The following STK35 variants were observed in gnomAD, a reference collection of about 807,000 sequenced individuals.
STK35 encodes serine/threonine-protein kinase 35.
In STK35, 17 loss-of-function variants were observed where a neutral mutation model predicts 37.3. That is an observed-to-expected ratio of 0.46 (90% confidence interval 0.31 to 0.68). The LOEUF is 0.68. Ranked by LOEUF, STK35 falls within the 30% of genes least tolerant of loss-of-function variation. The pLI is 0.05. For missense variants in STK35, 595 were observed against 746.7 expected (o/e 0.80, Z 2.37); for synonymous variants, 385 against 319.1 (o/e 1.21, Z -2.20).
chr20:2,116,539 T>A, intron 2 of STK35, 127 bp from the exon 3 acceptor site: 1 of 1,026,384 alleles, frequency 9.7e-7, no homozygotes, highest in Admixed American at 2.4e-5. Flanking sequence ...CAGTGCCAGT[T>A]GTGCAGGTCC....
intron 1 of STK35, 62 bp from the exon 2 acceptor site, chr20:2,102,706 C>A (rs943401461): frequency 1.5e-6 from 2 of 1,298,570 alleles, no homozygotes; most frequent in South Asian, 4.0e-5. Flanking sequence ...GGACGCCCCG[C>A]GGCCTACGCT....
intron 3 of STK35, among the ~76,000 whole-genome samples, chr20:2,118,442 C>T (rs955300931): frequency 6.6e-6 from 1 of 152,166 alleles, no homozygotes; most frequent in Admixed American, 6.5e-5. Flanking sequence ...ATCAGCCAGG[C>T]GTGGTGGCGG....
At position 2,102,809 on chromosome 20, in the gene STK35, A is replaced by T. The variant is rs1290901924; in HGVS notation, c.336A>T (p.Gly112=). 4 of 1,508,334 alleles carry T rather than the reference A, an allele frequency of 2.7e-6. No individual in the cohort carries two copies. The highest frequency in any genetic ancestry group is 3.5e-6 in the Non-Finnish European group (4 of 1,133,558). 93.4% of individuals were successfully genotyped at this position (1,508,334 alleles called of 1,614,324 possible). A position where few individuals can be genotyped will look rare whatever the true frequency, so the allele number is the denominator to read the frequency against. ...QGPAPPRPRA[G]RRDEAGGARA... is the part of the protein sequence containing the mutation. The stretch of plus-strand genomic sequence containing the variant: ...CGGCTCCTCCGCGTCCCAGGGCCGG[A>T]CGGAGGGATGAGGCAGGGGGGGCCC... The change falls in exon 2 of 4, where the codon GGA becomes GGT. Residue 112 remains glycine, a synonymous_variant. Coordinates refer to ENST00000381482, the MANE Select transcript of STK35 (RefSeq NM_080836.4).
intron 2 of STK35, among the ~76,000 whole-genome samples, chr20:2,112,809 T>A (rs1354352845): frequency 6.6e-6 from 1 of 152,244 alleles, no homozygotes; most frequent in African/African-American, 2.4e-5. Context: ...AAGCTAAATT[T>A]GTAACTCTTA....
chr20:2,114,208 T>C (rs963188985), intron 2 of STK35, among the ~76,000 whole-genome samples: 2 of 152,038 alleles, frequency 1.3e-5, no homozygotes, highest in African/African-American at 2.4e-5. Context: ...ACGCTGCAGC[T>C]TCTCATGAAA....
chr20:2,102,239 C>T (rs1355277478), intron 1 of STK35, 64 bp downstream of exon 1: 1 of 1,381,190 alleles, frequency 7.2e-7, no homozygotes, highest in Middle Eastern at 2.7e-4. Context: ...ACTGCCTCCG[C>T]GCTTGGGAAG....
At chr20:2,119,923 T>C (rs1017860439) in intron 3 of STK35, among the ~76,000 whole-genome samples, 2 of 152,236 alleles carry the variant, frequency 1.3e-5, no homozygotes, top group African/African-American at 4.8e-5. Flanking sequence ...AGTGAGTCAC[T>C]TAGGTTTAAT....
chr20:2,132,808 CCTA>C (rs957490240), intron 3 of STK35, among the ~76,000 whole-genome samples: 5 of 152,218 alleles, frequency 3.3e-5, no homozygotes, highest in African/African-American at 9.7e-5. Context: ...CGGCAGCTCT[CCTA>C]CTTACTAGCT....
chr20:2,128,986 A>T (rs1445337181), intron 3 of STK35, among the ~76,000 whole-genome samples: 1 of 151,950 alleles, frequency 6.6e-6, no homozygotes, highest in Non-Finnish European at 1.5e-5. Flanking sequence ...CACCACGCCC[A>T]GCTAATTTTC....
At chr20:2,125,165 G>T (rs150538264) in intron 3 of STK35, among the ~76,000 whole-genome samples, 1 of 152,020 alleles carries the variant, frequency 6.6e-6, no homozygotes, top group Non-Finnish European at 1.5e-5. Flanking sequence ...TCTTGTAATC[G>T]TCCAGCTGTG....
Position 2,146,994 on chromosome 20 carries a change from C to T in STK35, c.*3248C>T, listed in dbSNP as rs1421881088. On this transcript the variant is annotated 3_prime_UTR_variant, in exon 4 of 4. Coordinates refer to ENST00000381482, the MANE Select transcript of STK35 (RefSeq NM_080836.4). ...AGAATGGGAATTTTTTTCCTCCCAC[C>T]TGGACATAGTTTGCCCCTGTGGCTG... The T allele has an allele frequency of 6.5e-6, 1 of 152,674 alleles. No individual in the cohort carries two copies. Among genetic ancestry groups the T allele is most frequent in the Non-Finnish European group, 1.5e-5 (1 of 68,078 alleles). 9.5% of individuals were successfully genotyped at this position (152,674 alleles called of 1,614,324 possible). A position where few individuals can be genotyped will look rare whatever the true frequency, so the allele number is the denominator to read the frequency against.
chr20:2,115,498 G>C (rs1193392488), intron 2 of STK35, among the ~76,000 whole-genome samples: 1 of 151,746 alleles, frequency 6.6e-6, no homozygotes, highest in Non-Finnish European at 1.5e-5. Context: ...ACATTTGCAG[G>C]CCCAGCCTCT....
chr20:2,117,697 A>C lies in STK35; in HGVS notation c.*37+282A>C, dbSNP rs1024204917. Among the ~76,000 whole-genome samples the C allele has an allele frequency of 6.6e-6, 1 of 152,172 alleles. No individual in the cohort carries two copies. The highest frequency in any genetic ancestry group is 2.4e-5 in the African/African-American group (1 of 41,430). ...TGACCTCAAGCGATCTGCTGGTCTC[A>C]GCCTCCCAAAGTGCTGGGATTACAG... On this transcript the variant is annotated intron_variant, in intron 3 of 3. Transcript: ENST00000381482. The surrounding 1 kb of genome is among the most constrained non-coding windows in gnomAD (Gnocchi z 4.4).
chr20:2,132,666 C>T (rs940488164), intron 3 of STK35, among the ~76,000 whole-genome samples: 4 of 152,236 alleles, frequency 2.6e-5, no homozygotes, highest in African/African-American at 4.8e-5. Flanking sequence ...TGCACAGGCA[C>T]CTTCCAGAGC....
chr20:2,115,956 A>G (rs531890235), intron 2 of STK35, among the ~76,000 whole-genome samples: 5 of 151,052 alleles, frequency 3.3e-5, no homozygotes, highest in Non-Finnish European at 5.9e-5. Context: ...AGATCTGGCG[A>G]CTCCTGCCTC....
chr20:2,119,338 C>T lies in STK35; in HGVS notation c.*37+1923C>T, dbSNP rs55931397. On this transcript the variant is annotated intron_variant, in intron 3 of 3. Coordinates refer to ENST00000381482, the MANE Select transcript of STK35 (RefSeq NM_080836.4). The stretch of plus-strand genomic sequence containing the variant: ...GCGAAGGACCTGAAACCAGGGAGAG[C>T]CTGGCACATTTGAGAGACTAGACCA... Among the ~76,000 whole-genome samples the T allele has an allele frequency of 1.8e-3, 280 of 152,164 alleles. 1 individual carries two copies. Among genetic ancestry groups the T allele is most frequent in the African/African-American group, 6.3e-3 (262 of 41,500 alleles).
chr20:2,122,117 T>C (rs1424665404), intron 3 of STK35, among the ~76,000 whole-genome samples: 1 of 152,200 alleles, frequency 6.6e-6, no homozygotes, highest in Non-Finnish European at 1.5e-5. Context: ...GCAGATTGTT[T>C]GAGCTCACGA....
intron 2 of STK35, among the ~76,000 whole-genome samples, chr20:2,105,229 TG>T (rs1190346862): frequency 2.0e-5 from 3 of 152,196 alleles, no homozygotes; most frequent in African/African-American, 7.2e-5. Context: ...TCACTTACTT[TG>T]AAGTCTTTCT....
Position 2,146,443 on chromosome 20 carries a change from C to A in STK35, c.*2697C>A, listed in dbSNP as rs545254010. 6 of 152,874 alleles carry A rather than the reference C, an allele frequency of 3.9e-5. No individual in the cohort carries two copies. Among genetic ancestry groups the A allele is most frequent in the African/African-American group, 1.4e-4 (6 of 41,574 alleles). 9.5% of individuals were successfully genotyped at this position (152,874 alleles called of 1,614,324 possible). A position where few individuals can be genotyped will look rare whatever the true frequency, so the allele number is the denominator to read the frequency against. ...TTCTAGTAGTATTCAAAACTTCAAACGGCAGTCATTTGTTCTCCTCGGCTC... is the reference window on the plus strand; with the variant it reads ...TTCTAGTAGTATTCAAAACTTCAAAAGGCAGTCATTTGTTCTCCTCGGCTC... On this transcript the variant is annotated 3_prime_UTR_variant, in exon 4 of 4. Coordinates refer to ENST00000381482, the MANE Select transcript of STK35 (RefSeq NM_080836.4).
Sources: allele counts gnomAD v4.1 joint callset (sites outside exome capture counted in the v4.1 genomes callset), GRCh38; gene constraint gnomAD v4.1.1; non-coding constraint Gnocchi (gnomAD v3.1); transcripts MANE v1.5; gene names NCBI Gene and HGNC (gene_info 2026-07-23, HGNC 2026-07-21).